The following OXR1 variants were observed in gnomAD, a reference collection of about 807,000 sequenced individuals.
The protein encoded by OXR1 is oxidation resistance protein 1.
In OXR1, 41 loss-of-function variants were observed where a neutral mutation model predicts 104.6. The ratio of observed to expected loss-of-function variants is 0.39; its 90% CI spans 0.31 to 0.51. The LOEUF (loss-of-function observed/expected upper bound fraction) is 0.51, where lower values mean the gene tolerates loss of function less well. Ranked by LOEUF, OXR1 falls within the 20% of genes least tolerant of loss-of-function variation. The pLI is 0.77. For synonymous variants in OXR1, 348 were observed against 348.4 expected (o/e 1.00, Z 0.01); for missense variants, 955 against 1,031.9 (o/e 0.93, Z 1.02).
At chr8:106,443,182 C>T (rs1250279144) in intron 2 of OXR1, among the ~76,000 whole-genome samples, 2 of 152,086 alleles carry the variant, frequency 1.3e-5, no homozygotes, top group African/African-American at 4.8e-5. Context: ...TTCAGGAACA[C>T]GTTGTTCAAT....
At chr8:106,396,373 CCT>C (rs2130459441) in intron 2 of OXR1, among the ~76,000 whole-genome samples, 1 of 152,044 alleles carries the variant, frequency 6.6e-6, no homozygotes, top group East Asian at 1.9e-4. Flanking sequence ...TCATGTACCC[CCT>C]GATAGGATGT....
At chr8:106,308,517 A>G (rs1813556362) in intron 1 of OXR1, among the ~76,000 whole-genome samples, 1 of 152,154 alleles carries the variant, frequency 6.6e-6, no homozygotes, top group Admixed American at 6.5e-5. Context: ...TAATATCCCA[A>G]TACTGACCTG....
At chr8:106,337,526 A>G (rs1444075641) in intron 1 of OXR1, among the ~76,000 whole-genome samples, 1 of 152,226 alleles carries the variant, frequency 6.6e-6, no homozygotes, top group African/African-American at 2.4e-5. Context: ...ATCCTGGGGT[A>G]GAACCCAAGT....
At position 106,560,689 on chromosome 8, in the gene OXR1, A is replaced by G. The variant is rs116440851; in HGVS notation, c.220+41550A>G. 3.6e-3 allele frequency among the ~76,000 whole-genome samples: 551 copies of G among 152,320 alleles called. 3 individuals carry two copies. Among genetic ancestry groups the G allele is most frequent in the African/African-American group, 0.012 (513 of 41,578 alleles). The stretch of plus-strand genomic sequence containing the variant: ...ACTCTACTTCAGCCATCTCATTTTT[A>G]CACAATATGCTACAACAAGCTTGAC... On this transcript the variant is annotated intron_variant, in intron 3 of 16. Coordinates refer to ENST00000517566, the MANE Select transcript of OXR1 (RefSeq NM_001198533.2).
intron 1 of OXR1, among the ~76,000 whole-genome samples, chr8:106,281,222 C>T (rs1812266274): frequency 6.6e-6 from 1 of 152,138 alleles, no homozygotes; most frequent in Admixed American, 6.5e-5. Context: ...GGCCCAGGTC[C>T]ATGGGGCCTA....
intron 3 of OXR1, among the ~76,000 whole-genome samples, chr8:106,621,514 AG>A (rs962505097): frequency 6.7e-6 from 1 of 149,652 alleles, no homozygotes; most frequent in Non-Finnish European, 1.5e-5. Flanking sequence ...ATTCAATAAG[AG>A]TAAAAAAAAA....
chr8:106,650,175 A>C (rs182819357), intron 3 of OXR1, among the ~76,000 whole-genome samples: 1 of 152,306 alleles, frequency 6.6e-6, no homozygotes, highest in Admixed American at 6.5e-5. Context: ...ACCAAGGCTT[A>C]ATGTTTTACA....
intron 2 of OXR1, among the ~76,000 whole-genome samples, chr8:106,506,739 A>G (rs1216674330): frequency 3.9e-5 from 6 of 152,192 alleles, no homozygotes; most frequent in Admixed American, 3.9e-4. Flanking sequence ...GCCCCTGGAT[A>G]TTCCAAAATA....
intron 12 of OXR1, among the ~76,000 whole-genome samples, chr8:106,739,000 T>G (rs1336305027): frequency 1.3e-5 from 2 of 151,976 alleles, no homozygotes; most frequent in Non-Finnish European, 2.9e-5. Context: ...ATTAAAATTT[T>G]GGCACCCAGG....
At chr8:106,339,516 AAAAAT>A (rs1815125646) in intron 1 of OXR1, among the ~76,000 whole-genome samples, 2 of 33,782 alleles carry the variant, frequency 5.9e-5, no homozygotes, top group Non-Finnish European at 9.7e-5. Flanking sequence ...AAAAAAAAAA[AAAAAT>A]ATATATATAT....
intron 1 of OXR1, among the ~76,000 whole-genome samples, chr8:106,283,666 G>A (rs181324192): frequency 1.3e-5 from 2 of 152,272 alleles, no homozygotes; most frequent in Non-Finnish European, 2.9e-5. Context: ...TTCCTCATGA[G>A]TCGTATTTAC....
At chr8:106,273,851 A>G (rs188469212) in intron 1 of OXR1, among the ~76,000 whole-genome samples, 1 of 152,350 alleles carries the variant, frequency 6.6e-6, no homozygotes, top group African/African-American at 2.4e-5. Context: ...GGTGAATCAT[A>G]TGCATATGTG....
chr8:106,409,735 G>A (rs558117331), intron 2 of OXR1, among the ~76,000 whole-genome samples: 20 of 152,150 alleles, frequency 1.3e-4, no homozygotes, highest in African/African-American at 4.8e-4. Context: ...AGTTACAGTT[G>A]GGCTTAATGA....
rs1447126945 is a variant in OXR1, at chr8:106,428,541, C to T, written c.23+68905C>T. On this transcript the variant is annotated intron_variant, in intron 2 of 16. Transcript: ENST00000517566. The stretch of plus-strand genomic sequence containing the variant: ...GGTCTACAGTTTTTACCATAGCAGA[C>T]ATTTGGCTCTTTGTCCTGTGGAATT... 3.3e-5 allele frequency among the ~76,000 whole-genome samples: 5 copies of T among 151,570 alleles called. No homozygotes were observed. The South Asian group carries it at 8.3e-4, about 25-fold the overall frequency.
intron 3 of OXR1, among the ~76,000 whole-genome samples, chr8:106,551,272 G>T (rs2130410506): frequency 6.6e-6 from 1 of 152,206 alleles, no homozygotes; most frequent in Admixed American, 6.5e-5. Flanking sequence ...GCCATATAGG[G>T]CTCAATAATT....
At chr8:106,418,234 T>C (rs892960415) in intron 2 of OXR1, among the ~76,000 whole-genome samples, 2 of 152,146 alleles carry the variant, frequency 1.3e-5, no homozygotes, top group African/African-American at 4.8e-5. Flanking sequence ...AAACTTTAGT[T>C]TTTTATTTTA....
At chr8:106,541,352 T>G (rs10091011) in intron 3 of OXR1, among the ~76,000 whole-genome samples, 104,798 of 152,006 alleles carry the variant, frequency 0.69, 36,280 homozygotes, top group Admixed American at 0.76. Flanking sequence ...TGTTTCAAAT[T>G]TGTGAGGACC....
At chr8:106,515,653 T>G (rs1244391185) in intron 2 of OXR1, among the ~76,000 whole-genome samples, 5 of 152,180 alleles carry the variant, frequency 3.3e-5, no homozygotes, top group Admixed American at 6.5e-5. Context: ...TACATGCAAG[T>G]TGTTTCTTAA....
intron 2 of OXR1, among the ~76,000 whole-genome samples, chr8:106,413,256 A>G (rs1818535036): frequency 6.6e-6 from 1 of 152,018 alleles, no homozygotes; most frequent in South Asian, 2.1e-4. Context: ...GAACATAGTC[A>G]TTTGCTGTAA....
Sources: gnomAD v4.1 joint callset for allele counts (sites outside exome capture counted in the v4.1 genomes callset) on GRCh38, gnomAD v4.1.1 for gene constraint, MANE v1.5 for transcripts, NCBI Gene and HGNC (gene_info 2026-07-23, HGNC 2026-07-21) for gene names.